Variants in ETNK1 observed in about 807,000 individuals in gnomAD.
The protein encoded by ETNK1 is putative protein product of Nbla10396.
ETNK1 carries 8 observed loss-of-function variants against 45.1 expected under a neutral mutation model. The ratio of observed to expected loss-of-function variants is 0.18; its 90% CI spans 0.10 to 0.32. The LOEUF is 0.32. Ranked by LOEUF, ETNK1 falls within the 10% of genes least tolerant of loss-of-function variation. The pLI is 1.00. For missense variants in ETNK1, 302 were observed against 430.6 expected (o/e 0.70, Z 2.64); for synonymous variants, 152 against 151.9 (o/e 1.00, Z -0.01).
At chr12:22,680,195 G>A (rs978946079) in intron 6 of ETNK1, among the ~76,000 whole-genome samples, 1 of 152,050 alleles carries the variant, frequency 6.6e-6, no homozygotes, top group Non-Finnish European at 1.5e-5. Flanking sequence ...AAATGTTCTT[G>A]ATTTCAGCAC....
At chr12:22,671,440 G>C in intron 5 of ETNK1, 85 bp downstream of exon 5, 1 of 887,576 alleles carries the variant, frequency 1.1e-6, no homozygotes, top group Non-Finnish European at 1.8e-6. Context: ...TAAACCGTGA[G>C]CAGGGGGAAC....
Position 22,673,519 on chromosome 12 carries a change from T to C in ETNK1, c.804T>C (p.Tyr268=), listed in dbSNP as rs1165656681. The change falls in exon 6 of 8, where the codon TAT becomes TAC. Residue 268 remains tyrosine (Y), a synonymous_variant. Coordinates refer to ENST00000266517, the MANE Select transcript of ETNK1 (RefSeq NM_018638.5). Reference sequence around the variant, plus strand: ...CTAAAGGTGTGAGTGATGTAGACTATAGTCTGTATCCAGATAGAGAACTAC... The same window carrying C: ...CTAAAGGTGTGAGTGATGTAGACTACAGTCTGTATCCAGATAGAGAACTAC... ...NEFAGVSDVD[Y]SLYPDRELQS... 3 of 1,613,082 alleles carry C rather than the reference T, an allele frequency of 1.9e-6. No homozygotes were observed. Among genetic ancestry groups the C allele is most frequent in the Middle Eastern group, 1.7e-4 (1 of 6,050 alleles).
intron 2 of ETNK1, among the ~76,000 whole-genome samples, chr12:22,652,423 G>A (rs1953889517): frequency 6.6e-6 from 1 of 152,104 alleles, no homozygotes; most frequent in African/African-American, 2.4e-5. Flanking sequence ...ATTATTTGAG[G>A]AACCACCATA....
chr12:22,653,909 G>A (rs1193606871), intron 2 of ETNK1, among the ~76,000 whole-genome samples: 1 of 152,206 alleles, frequency 6.6e-6, no homozygotes, highest in Admixed American at 6.5e-5. Context: ...TACAATTGAA[G>A]TGTACTTATT....
At position 22,649,391 on chromosome 12, in the gene ETNK1, T is replaced by C. The variant is rs1026674754; in HGVS notation, c.416+5369T>C. ...GTAATCCATTTTGACAGAATTTTAA[T>C]GAAGAGTGTAAGGTCTATGTCTAGA... On this transcript the variant is annotated intron_variant, in intron 2 of 7. Coordinates refer to ENST00000266517, the MANE Select transcript of ETNK1 (RefSeq NM_018638.5). Among the ~76,000 whole-genome samples the C allele has an allele frequency of 4.6e-5, 7 of 152,132 alleles. 1 individual carries two copies. The highest frequency in any genetic ancestry group is 4.6e-4 in the Admixed American group (7 of 15,260).
At chr12:22,632,942 C>G (rs1416722647) in intron 1 of ETNK1, among the ~76,000 whole-genome samples, 1 of 152,200 alleles carries the variant, frequency 6.6e-6, no homozygotes, top group Non-Finnish European at 1.5e-5. Flanking sequence ...CCATGACCGA[C>G]TAGCATTCCA....
At chr12:22,638,177 A>T (rs978284536) in intron 1 of ETNK1, among the ~76,000 whole-genome samples, 1 of 152,234 alleles carries the variant, frequency 6.6e-6, no homozygotes, top group East Asian at 1.9e-4. Flanking sequence ...ATACATGGCC[A>T]CATAATCTGT....
rs377294074 is a variant in ETNK1 at position 22,684,327 on chromosome 12, CG to C, written c.946-155del. The stretch of plus-strand genomic sequence containing the variant: ...TCTGTAGCCATCTAGTGGGTGCAGA[CG>C]TCAGTAGGATCTAGGTTTTAGACGC... On this transcript the variant is annotated intron_variant, in intron 6 of 7. Transcript: ENST00000266517. 8.3e-4 allele frequency among the ~76,000 whole-genome samples: 126 copies of C among 152,040 alleles called. 1 individual carries two copies. In the East Asian group the frequency reaches 0.021, roughly 25 times the overall value.
chr12:22,676,718 G>C (rs922219088), intron 6 of ETNK1, among the ~76,000 whole-genome samples: 2 of 151,914 alleles, frequency 1.3e-5, no homozygotes, highest in African/African-American at 2.4e-5. Context: ...GCGTGAAATG[G>C]TATCTATCTC....
chr12:22,660,243 G>T (rs1391309671), intron 3 of ETNK1, among the ~76,000 whole-genome samples: 1 of 152,074 alleles, frequency 6.6e-6, no homozygotes, highest in Non-Finnish European at 1.5e-5. Flanking sequence ...TAATTTGAGA[G>T]ACTTTGGAGA....
At position 22,667,586 on chromosome 12, in the gene ETNK1, C is replaced by T. The variant is rs577096695; in HGVS notation, c.701-3686C>T. Reference sequence around the variant, plus strand: ...AAAGTGTTTCAGACTAGAATACTCCCTGTCTTTTTCTGTATAAAATAGAAA... The same window carrying T: ...AAAGTGTTTCAGACTAGAATACTCCTTGTCTTTTTCTGTATAAAATAGAAA... On this transcript the variant is annotated intron_variant, in intron 4 of 7. Coordinates refer to ENST00000266517, the MANE Select transcript of ETNK1 (RefSeq NM_018638.5). Among the ~76,000 whole-genome samples the T allele has an allele frequency of 8.3e-4, 127 of 152,274 alleles. 1 individual carries two copies. The highest frequency in any genetic ancestry group is 2.3e-3 in the Admixed American group (35 of 15,302).
chr12:22,640,491 T>C (rs1040366042), intron 1 of ETNK1, among the ~76,000 whole-genome samples: 1 of 152,036 alleles, frequency 6.6e-6, no homozygotes, highest in South Asian at 2.1e-4. Flanking sequence ...TAGAGACATA[T>C]TGAAATTGTT....
intron 4 of ETNK1, among the ~76,000 whole-genome samples, chr12:22,663,851 T>G (rs1456476382): frequency 4.7e-5 from 7 of 149,146 alleles, no homozygotes; most frequent in South Asian, 2.2e-4. Flanking sequence ...AAATGTTCTG[T>G]TTTTTTTTTC....
At chr12:22,674,464 C>T (rs115207548) in intron 6 of ETNK1, among the ~76,000 whole-genome samples, 2 of 152,262 alleles carry the variant, frequency 1.3e-5, no homozygotes, top group African/African-American at 4.8e-5. Context: ...ACTCAGAATA[C>T]ATCCCAAGTA....
intron 2 of ETNK1, among the ~76,000 whole-genome samples, chr12:22,657,931 T>G (rs1953960804): frequency 6.6e-6 from 1 of 152,214 alleles, no homozygotes; most frequent in Non-Finnish European, 1.5e-5. Flanking sequence ...AATGTGTTAT[T>G]TAATGATTGA....
At chr12:22,635,701 A>T (rs1009850556) in intron 1 of ETNK1, among the ~76,000 whole-genome samples, 8 of 152,214 alleles carry the variant, frequency 5.3e-5, no homozygotes, top group East Asian at 1.9e-4. Flanking sequence ...TTAATTTTTT[A>T]AAAAAATTGT....
chr12:22,658,924 C>T, intron 2 of ETNK1, 90 bp from the exon 3 acceptor site: 1 of 1,359,036 alleles, frequency 7.4e-7, no homozygotes, highest in East Asian at 2.3e-5. Context: ...ATTCGGGAGA[C>T]TGACTAAAGT....
At chr12:22,629,805 G>T (rs1475406185) in intron 1 of ETNK1, among the ~76,000 whole-genome samples, 1 of 152,100 alleles carries the variant, frequency 6.6e-6, no homozygotes, top group Non-Finnish European at 1.5e-5. Context: ...CTTGAGTCCT[G>T]TAGATACAAA....
At chr12:22,636,734 ATTCC>A (rs1326762685) in intron 1 of ETNK1, among the ~76,000 whole-genome samples, 10 of 152,268 alleles carry the variant, frequency 6.6e-5, no homozygotes, top group African/African-American at 2.4e-4. Context: ...TCTTGTCATT[ATTCC>A]TTAATACAGT....
Sources: gnomAD v4.1 joint callset for allele counts (sites outside exome capture counted in the v4.1 genomes callset) on GRCh38, gnomAD v4.1.1 for gene constraint, MANE v1.5 for transcripts, NCBI Gene and HGNC (gene_info 2026-07-23, HGNC 2026-07-21) for gene names.